Variants in VKORC1L1 observed in about 807,000 individuals in gnomAD.
The protein encoded by VKORC1L1 is vitamin K epoxide reductase complex subunit 1-like protein 1.
In VKORC1L1, 2 loss-of-function variants were observed where a neutral mutation model predicts 18.9. That is an observed-to-expected ratio of 0.11 (90% CI 0.04 to 0.33). The LOEUF is 0.33. VKORC1L1 is among the 10% of genes least tolerant of loss of function. The probability of loss-of-function intolerance (pLI) is 1.00; values close to 1 mark genes in which losing one functional copy is unlikely to be tolerated. For synonymous variants in VKORC1L1, 96 were observed against 100.0 expected (o/e 0.96, Z 0.24); for missense variants, 123 against 224.1 (o/e 0.55, Z 2.88).
At chr7:65,919,568 G>C (rs1040740218) in intron 1 of VKORC1L1, among the ~76,000 whole-genome samples, 2 of 152,048 alleles carry the variant, frequency 1.3e-5, no homozygotes, top group South Asian at 2.1e-4. Context: ...TCCAGTCTGC[G>C]AGCAAGTCTT....
chr7:65,894,253 C>T (rs1448060342), intron 1 of VKORC1L1, among the ~76,000 whole-genome samples: 1 of 149,762 alleles, frequency 6.7e-6, no homozygotes, highest in African/African-American at 2.5e-5. Flanking sequence ...CTGCGCCCAG[C>T]CAAAATTTTT....
intron 1 of VKORC1L1, among the ~76,000 whole-genome samples, chr7:65,911,809 C>A (rs1789506600): frequency 6.6e-6 from 1 of 152,110 alleles, no homozygotes; most frequent in Non-Finnish European, 1.5e-5. Flanking sequence ...ATTCATAGAC[C>A]AGCACTGGTT....
chr7:65,925,306 A>T (rs751859727), intron 1 of VKORC1L1, among the ~76,000 whole-genome samples: 1 of 152,096 alleles, frequency 6.6e-6, no homozygotes, highest in Admixed American at 6.5e-5. Context: ...TTCTTCCTCA[A>T]TTCAGCCAGT....
At chr7:65,886,631 G>A (rs1415651690) in intron 1 of VKORC1L1, among the ~76,000 whole-genome samples, 5 of 151,744 alleles carry the variant, frequency 3.3e-5, no homozygotes, top group Admixed American at 2.0e-4. Context: ...TCCGCCTCCC[G>A]AGTTCACGCC....
intron 1 of VKORC1L1, among the ~76,000 whole-genome samples, chr7:65,909,039 G>T (rs886685521): frequency 6.7e-6 from 1 of 150,060 alleles, no homozygotes; most frequent in Non-Finnish European, 1.5e-5. Context: ...GGAGGCCGAG[G>T]TGGTTGGATC....
At chr7:65,942,363 G>T (rs1402350072) in intron 1 of VKORC1L1, among the ~76,000 whole-genome samples, 2 of 151,288 alleles carry the variant, frequency 1.3e-5, no homozygotes, top group African/African-American at 4.8e-5. Flanking sequence ...ATGGTGGCGG[G>T]CACCTATAGT....
chr7:65,888,403 A>C (rs1789050164), intron 1 of VKORC1L1, among the ~76,000 whole-genome samples: 1 of 152,258 alleles, frequency 6.6e-6, no homozygotes, highest in Non-Finnish European at 1.5e-5. Context: ...AGTTAAGCTT[A>C]AATTGTTTCA....
intron 1 of VKORC1L1, among the ~76,000 whole-genome samples, chr7:65,876,323 T>C (rs1788826375): frequency 6.6e-6 from 1 of 151,824 alleles, no homozygotes; most frequent in Non-Finnish European, 1.5e-5. Flanking sequence ...GCCAACATGC[T>C]GAAACCCCGT....
intron 1 of VKORC1L1, among the ~76,000 whole-genome samples, chr7:65,884,326 A>G (rs1002340977): frequency 6.6e-6 from 1 of 152,102 alleles, no homozygotes; most frequent in African/African-American, 2.4e-5. Context: ...ATCTTGCTGT[A>G]TGTTTAATTT....
At position 65,954,189 on chromosome 7, in the gene VKORC1L1, C is replaced by T. The variant is rs536498943; in HGVS notation, c.420C>T (p.Ile140=). ...ILYFVLKEFC[I]ICIVTYVLNF... is the part of the protein sequence containing the mutation. ...ACTTTGTGCTGAAGGAGTTCTGCAT[C>T]ATCTGCATCGTCACGTACGTGCTGA... The change falls in exon 3 of 3, where the codon ATC becomes ATT. Residue 140 remains isoleucine (I), a synonymous_variant. Coordinates refer to ENST00000360768, the MANE Select transcript of VKORC1L1 (RefSeq NM_173517.6). 9 of 1,614,118 alleles carry T rather than the reference C, an allele frequency of 5.6e-6. No homozygotes were observed. The highest frequency in any genetic ancestry group is 5.3e-5 in the African/African-American group (4 of 75,040).
At position 65,958,669 on chromosome 7, in the gene VKORC1L1, G is replaced by T. The variant is rs1334929394; in HGVS notation, c.*4369G>T. 2.6e-5 allele frequency: 4 copies of T among 152,168 alleles called. No individual in the cohort carries two copies. Among genetic ancestry groups the T allele is most frequent in the Admixed American group, 2.6e-4 (4 of 15,266 alleles). The allele number at this position is 152,168 out of a possible 1,614,324, so 9.4% of individuals were successfully genotyped here. The stretch of plus-strand genomic sequence containing the variant: ...TCAATACTGTAACCTCATTTCTAAG[G>T]TATACAGGGTTGATTCTTTTTCTCT... On this transcript the variant is annotated 3_prime_UTR_variant, in exon 3 of 3. Transcript: ENST00000360768.
rs1034931014 is a variant in VKORC1L1, at chr7:65,954,607, G to T, written c.*307G>T. The T allele has an allele frequency of 4.8e-6, 2 of 412,846 alleles. No individual in the cohort carries two copies. Among genetic ancestry groups the T allele is most frequent in the Non-Finnish European group, 8.4e-6 (2 of 237,768 alleles). 25.6% of individuals were successfully genotyped at this position (412,846 alleles called of 1,614,324 possible). A position where few individuals can be genotyped will look rare whatever the true frequency, so the allele number is the denominator to read the frequency against. ...CCCCCTGCCCTCAATTGTAAAGTGA[G>T]CAACCATTGCTAGTAATTCTTTAAT... is the stretch of plus-strand genomic sequence containing the variant. On this transcript the variant is annotated 3_prime_UTR_variant, in exon 3 of 3. Coordinates refer to ENST00000360768, the MANE Select transcript of VKORC1L1 (RefSeq NM_173517.6).
intron 1 of VKORC1L1, among the ~76,000 whole-genome samples, chr7:65,896,622 C>T (rs1299459601): frequency 7.2e-6 from 1 of 139,542 alleles, no homozygotes; most frequent in African/African-American, 2.6e-5. Context: ...TCTTCTTCCT[C>T]TTTCTCTTCC....
Position 65,954,408 on chromosome 7 carries a change from C to T in VKORC1L1, c.*108C>T. 1 of 1,409,550 alleles carries T rather than the reference C, an allele frequency of 7.1e-7. No homozygotes were observed. The highest frequency in any genetic ancestry group is 9.3e-7 in the Non-Finnish European group (1 of 1,080,172). The allele number at this position is 1,409,550 out of a possible 1,614,324, so 87.3% of individuals were successfully genotyped here. A position where few individuals can be genotyped will look rare whatever the true frequency, so the allele number is the denominator to read the frequency against. On this transcript the variant is annotated 3_prime_UTR_variant, in exon 3 of 3. Coordinates refer to ENST00000360768, the MANE Select transcript of VKORC1L1 (RefSeq NM_173517.6). Reference sequence around the variant, plus strand: ...TATTATTATTCACAACAGACACTTTCCCTAAGAATCTCAAACTGATTTTTA... The same window carrying T: ...TATTATTATTCACAACAGACACTTTTCCTAAGAATCTCAAACTGATTTTTA...
chr7:65,871,859 C>T (rs978649145), upstream of VKORC1L1, among the ~76,000 whole-genome samples: 2 of 151,794 alleles, frequency 1.3e-5, no homozygotes, highest in Non-Finnish European at 2.9e-5. Context: ...ATTCCTAGCC[C>T]GTGGAAACTG....
the VKORC1L1 span, among the ~76,000 whole-genome samples, chr7:65,866,359 C>T: frequency 6.6e-6 from 1 of 152,062 alleles, no homozygotes; most frequent in Non-Finnish European, 1.5e-5. Flanking sequence ...TTCTTGTCCT[C>T]GCATAGTGAA....
At chr7:65,947,483 G>A (rs1790140799) in intron 1 of VKORC1L1, among the ~76,000 whole-genome samples, 2 of 150,232 alleles carry the variant, frequency 1.3e-5, no homozygotes, top group Non-Finnish European at 3.0e-5. Flanking sequence ...ATCTTTAAAG[G>A]TTTTTTATTC....
At chr7:65,897,213 A>G (rs1364281915) in intron 1 of VKORC1L1, among the ~76,000 whole-genome samples, 1 of 152,242 alleles carries the variant, frequency 6.6e-6, no homozygotes, top group Non-Finnish European at 1.5e-5. Context: ...CAAAGGAAAG[A>G]CAAGTGGCTC....
chr7:65,901,449 G>A (rs532092675), intron 1 of VKORC1L1, among the ~76,000 whole-genome samples: 3 of 152,322 alleles, frequency 2.0e-5, no homozygotes, highest in South Asian at 4.1e-4. Context: ...CAAGGACTGG[G>A]TTTACCTTGC....
Sources: gnomAD v4.1 joint callset for allele counts (sites outside exome capture counted in the v4.1 genomes callset) on GRCh38, gnomAD v4.1.1 for gene constraint, MANE v1.5 for transcripts, NCBI Gene and HGNC (gene_info 2026-07-23, HGNC 2026-07-21) for gene names.